TRIM62: variants seen among roughly 807,000 people sequenced by gnomAD.
TRIM62 encodes the protein tripartite motif containing 62.
A neutral mutation model predicts 44.2 loss-of-function variants in TRIM62; 39 were observed. The observed-to-expected ratio is 0.88, with a 90% CI of 0.68 to 1.15. TRIM62 has a LOEUF of 1.15. Among genes scored for constraint, TRIM62 ranks in the 50% most tolerant of loss-of-function variants. The pLI is 0.00. For synonymous variants in TRIM62, 278 were observed against 292.3 expected, an observed-to-expected ratio of 0.95 and a Z score of 0.50; for missense variants, 544 against 665.5, an observed-to-expected ratio of 0.82 and a Z score of 2.01.
intron 1 of TRIM62, among the ~76,000 whole-genome samples, chr1:33,172,861 G>C (rs1253366718): frequency 6.6e-6 from 1 of 152,190 alleles, no homozygotes; most frequent in Admixed American, 6.5e-5. Flanking sequence ...AGAAAAGCCT[G>C]TGTTCAAATC....
Position 33,151,013 on chromosome 1 carries a change from C to T in TRIM62, c.878-3286G>A, listed in dbSNP as rs138439235. ...GAGGCTCAGGGCAGAAGGACTGGTGCGGGGCGGGGGGTACCCTCAAGCAGG... is the reference window on the plus strand; with the variant it reads ...GAGGCTCAGGGCAGAAGGACTGGTGTGGGGCGGGGGGTACCCTCAAGCAGG... On this transcript the variant is annotated intron_variant, in intron 4 of 4. Coordinates refer to ENST00000291416, the MANE Select transcript of TRIM62 (RefSeq NM_018207.3). 2.5e-3 allele frequency among the ~76,000 whole-genome samples: 374 copies of T among 152,100 alleles called. 2 individuals carry two copies. The highest frequency in any genetic ancestry group is 4.5e-3 in the Non-Finnish European group (309 of 67,940).
intron 1 of TRIM62, among the ~76,000 whole-genome samples, chr1:33,171,928 C>A (rs547283391): frequency 5.3e-5 from 8 of 152,174 alleles, no homozygotes; most frequent in South Asian, 2.1e-4. Flanking sequence ...ATTATAGGCG[C>A]CCGACACCAC....
In TRIM62 at chr1:33,147,792, C is replaced by T; in HGVS notation, c.878-65G>A. ...AAGGCTGTGGACCCACCATGCAGTG[C>T]CTTCCTGAGGGCAGAGTTCTGGTTG... On this transcript the variant is annotated intron_variant, in intron 4 of 4. Transcript: ENST00000291416. The surrounding 1 kb of genome is among the most constrained non-coding windows in gnomAD (Gnocchi z 8.1). The T allele has an allele frequency of 1.3e-6, 2 of 1,543,252 alleles. No individual in the cohort carries two copies. The highest frequency in any genetic ancestry group is 4.5e-5 in the East Asian group (2 of 44,200).
At chr1:33,154,303 G>C (rs1004071562) in intron 4 of TRIM62, among the ~76,000 whole-genome samples, 11 of 152,054 alleles carry the variant, frequency 7.2e-5, no homozygotes, top group African/African-American at 2.7e-4. Flanking sequence ...GACAGCCCTG[G>C]AGCAGGGAGC....
Position 33,181,046 on chromosome 1 carries a change from G to A in TRIM62, c.387C>T (p.Asp129=), listed in dbSNP as rs1557765172. 7 of 1,593,792 alleles carry A rather than the reference G, an allele frequency of 4.4e-6. No homozygotes were observed. Among genetic ancestry groups the A allele is most frequent in the Middle Eastern group, 1.7e-4 (1 of 6,042 alleles). The part of the protein sequence containing the change: ...LHEQHQVTGI[D]DAFDELQREL... Reference sequence around the variant, plus strand: ...GCACCTGCAGCTCGTCGAAGGCGTCGTCGATGCCGGTGACCTGATGCTGCT... The same window carrying A: ...GCACCTGCAGCTCGTCGAAGGCGTCATCGATGCCGGTGACCTGATGCTGCT... The change falls in exon 1 of 5, where the codon GAC becomes GAT. Residue 129 remains aspartate, a synonymous_variant. Transcript: ENST00000291416. This position sits in a 1 kb window ranked among gnomAD's most constrained non-coding sequence, Gnocchi z 6.5.
intron 4 of TRIM62, among the ~76,000 whole-genome samples, chr1:33,156,626 T>C (rs1023389860): frequency 5.3e-5 from 8 of 152,204 alleles, no homozygotes; most frequent in Non-Finnish European, 8.8e-5. Flanking sequence ...CTGTCTTTTC[T>C]ATCCGCCCCC....
At chr1:33,170,042 G>GTGA (rs1645360821) in intron 1 of TRIM62, among the ~76,000 whole-genome samples, 1 of 152,164 alleles carries the variant, frequency 6.6e-6, no homozygotes, top group Non-Finnish European at 1.5e-5. Context: ...TCCCCTACTA[G>GTGA]GCCGGGCACA....
intron 1 of TRIM62, among the ~76,000 whole-genome samples, chr1:33,175,968 C>T (rs944284941): frequency 6.6e-6 from 1 of 152,170 alleles, no homozygotes; most frequent in African/African-American, 2.4e-5. Context: ...TACACTGTGG[C>T]CCGTGCTCAG....
At position 33,161,576 on chromosome 1, in the gene TRIM62, C is replaced by T. The variant is rs746232083; in HGVS notation, c.505-1632G>A. ...CCTCGCTGCGCATGCCCACCCAGAA[C>T]GCCAGGCAGACAAAGGGGGGCGGAC... On this transcript the variant is annotated intron_variant, in intron 2 of 4. Coordinates refer to ENST00000291416, the MANE Select transcript of TRIM62 (RefSeq NM_018207.3). This position sits in a 1 kb window ranked among gnomAD's most constrained non-coding sequence, Gnocchi z 4.3. Among the ~76,000 whole-genome samples, 3 of 152,130 alleles carry T rather than the reference C, an allele frequency of 2.0e-5. No homozygotes were observed. The highest frequency in any genetic ancestry group is 2.9e-5 in the Non-Finnish European group (2 of 68,008).
At chr1:33,160,603 C>A (rs1645252715) in intron 2 of TRIM62, among the ~76,000 whole-genome samples, 2 of 152,028 alleles carry the variant, frequency 1.3e-5, no homozygotes, top group African/African-American at 4.8e-5. Context: ...TGGGGTTTCA[C>A]CATGTTGGCC....
chr1:33,175,452 G>T (rs1317422521), intron 1 of TRIM62, among the ~76,000 whole-genome samples: 4 of 152,182 alleles, frequency 2.6e-5, no homozygotes, highest in African/African-American at 9.7e-5. Context: ...AATGGTACTG[G>T]GAAAACAACA....
At chr1:33,172,308 C>G (rs1645380757) in intron 1 of TRIM62, among the ~76,000 whole-genome samples, 3 of 152,148 alleles carry the variant, frequency 2.0e-5, no homozygotes, top group Admixed American at 2.0e-4. Context: ...GGCCAGGGTT[C>G]CTTCAAGTCT....
rs1645025821 is a variant in TRIM62, at chr1:33,146,752, G to A, written c.*425C>T. 2 of 205,050 alleles carry A rather than the reference G, an allele frequency of 9.8e-6. No individual in the cohort carries two copies. The highest frequency in any genetic ancestry group is 1.8e-4 in the South Asian group (2 of 10,932). 12.7% of individuals were successfully genotyped at this position (205,050 alleles called of 1,614,324 possible). A position where few individuals can be genotyped will look rare whatever the true frequency, so the allele number is the denominator to read the frequency against. On this transcript the variant is annotated 3_prime_UTR_variant, in exon 5 of 5. Coordinates refer to ENST00000291416, the MANE Select transcript of TRIM62 (RefSeq NM_018207.3). ...TGGCCCATCACTAGCTTGGTCAGGG[G>A]TAAGTCTTAGGCCATGGGACATAAG...
In TRIM62 at chr1:33,147,381, G is replaced by A. The variant is rs959576238; in HGVS notation, c.1224C>T (p.Asn408=). Residue 408 remains asparagine, a synonymous_variant, in exon 5 of 5, where the codon AAC becomes AAT. Coordinates refer to ENST00000291416, the MANE Select transcript of TRIM62 (RefSeq NM_018207.3). The surrounding 1 kb of genome is among the most constrained non-coding windows in gnomAD (Gnocchi z 8.1). The stretch of plus-strand genomic sequence containing the variant: ...CCACCTTGTCAAGCTTGTCCCGGAC[G>A]TTAAGCCGCGTCCAGGGCTCCGTGC... ...SACTEPWTRL[N]VRDKLDKVGV... is the part of the protein sequence containing the mutation. 6 of 1,614,032 alleles carry A rather than the reference G, an allele frequency of 3.7e-6. No homozygotes were observed. Among genetic ancestry groups the A allele is most frequent in the East Asian group, 2.2e-5 (1 of 44,884 alleles).
chr1:33,147,922 C>T lies in TRIM62; in HGVS notation c.878-195G>A, dbSNP rs541310877. 4.6e-5 allele frequency among the ~76,000 whole-genome samples: 7 copies of T among 152,316 alleles called. No individual in the cohort carries two copies. In the South Asian group the frequency reaches 1.2e-3, roughly 27 times the overall value. On this transcript the variant is annotated intron_variant, in intron 4 of 4. Coordinates refer to ENST00000291416, the MANE Select transcript of TRIM62 (RefSeq NM_018207.3). This position sits in a 1 kb window ranked among gnomAD's most constrained non-coding sequence, Gnocchi z 8.1. ...GAATGGAAGGGTGGTGGTTAAGGTCCTTCCAGATATTGTCTGCAGGGGAGC... is the reference window on the plus strand; with the variant it reads ...GAATGGAAGGGTGGTGGTTAAGGTCTTTCCAGATATTGTCTGCAGGGGAGC...
chr1:33,147,272 A>G lies in TRIM62; in HGVS notation c.1333T>C (p.Phe445Leu), dbSNP rs143361624. ...AAGTAAGAGCAGAGCTTGCCAGGGA[A>G]CTTCTCGCGGAAGGTGTAGAGCCAG... ...MSWLYTFREK[F>L]PGKLCSYFSP... The change falls in exon 5 of 5, where the codon TTC becomes CTC. Residue 445 changes from phenylalanine to leucine, a missense_variant. Coordinates refer to ENST00000291416, the MANE Select transcript of TRIM62 (RefSeq NM_018207.3). This position sits in a 1 kb window ranked among gnomAD's most constrained non-coding sequence, Gnocchi z 8.1. The G allele has an allele frequency of 2.5e-6, 4 of 1,614,112 alleles. No homozygotes were observed. The highest frequency in any genetic ancestry group is 4.5e-5 in the East Asian group (2 of 44,884).
intron 1 of TRIM62, among the ~76,000 whole-genome samples, chr1:33,168,870 C>T (rs1645351208): frequency 6.6e-6 from 1 of 152,216 alleles, no homozygotes; most frequent in South Asian, 2.1e-4. Context: ...AAGACCCAGC[C>T]ACCCAGGCAG....
chr1:33,150,260 A>T (rs1645078112), intron 4 of TRIM62, among the ~76,000 whole-genome samples: 1 of 152,194 alleles, frequency 6.6e-6, no homozygotes, highest in Admixed American at 6.5e-5. Flanking sequence ...TTACTGGCGA[A>T]GTGGGGACAT....
At chr1:33,157,616 G>A (rs1235204194) in intron 4 of TRIM62, among the ~76,000 whole-genome samples, 1 of 152,072 alleles carries the variant, frequency 6.6e-6, no homozygotes, top group Non-Finnish European at 1.5e-5. Flanking sequence ...TGCTTACTAT[G>A]GTATCTCCAG....
Sources: gnomAD v4.1 joint callset for allele counts (sites outside exome capture counted in the v4.1 genomes callset) on GRCh38, gnomAD v4.1.1 for gene constraint, Gnocchi (gnomAD v3.1) non-coding constraint, MANE v1.5 for transcripts, NCBI Gene and HGNC (gene_info 2026-07-23, HGNC 2026-07-21) for gene names.